Variants in PDE7B observed in about 807,000 individuals in gnomAD.
PDE7B encodes 3',5'-cyclic-AMP phosphodiesterase 7B.
Under a neutral mutation model 56.2 loss-of-function variants are expected in PDE7B, and 29 were observed. That is an observed-to-expected ratio of 0.52 (90% CI 0.38 to 0.70). PDE7B has a LOEUF of 0.70. Among genes scored for constraint, PDE7B ranks in the 30% least tolerant of loss-of-function variants. The pLI is 0.00. For synonymous variants in PDE7B, 197 were observed against 196.9 expected (o/e 1.00, Z 0.00); for missense variants, 490 against 565.0 (o/e 0.87, Z 1.35).
rs183924581 is a variant in PDE7B at position 135,903,039 on chromosome 6, A to G, written c.22-44425A>G. Among the ~76,000 whole-genome samples the G allele has an allele frequency of 1.2e-3, 179 of 152,312 alleles. 1 individual carries two copies. Among genetic ancestry groups the G allele is most frequent in the Non-Finnish European group, 9.0e-4 (61 of 68,030 alleles). Reference sequence around the variant, plus strand: ...TATCTGTATTCCTAACCACAATGCTATCTAGATAATAATTTATTCTTCTAA... The same window carrying G: ...TATCTGTATTCCTAACCACAATGCTGTCTAGATAATAATTTATTCTTCTAA... On this transcript the variant is annotated intron_variant, in intron 1 of 12. Transcript: ENST00000308191.
At chr6:135,904,501 C>A (rs947699765) in intron 1 of PDE7B, among the ~76,000 whole-genome samples, 9 of 152,202 alleles carry the variant, frequency 5.9e-5, no homozygotes, top group Non-Finnish European at 1.3e-4. Context: ...CAGATTACCC[C>A]AGTCCATCCT....
At chr6:136,174,693 C>G (rs1287572784) in intron 9 of PDE7B, among the ~76,000 whole-genome samples, 1 of 152,140 alleles carries the variant, frequency 6.6e-6, no homozygotes, top group East Asian at 1.9e-4. Context: ...TGTCTCCCAA[C>G]TGAACAAGCA....
At chr6:135,897,268 G>A (rs1300249464) in intron 1 of PDE7B, among the ~76,000 whole-genome samples, 3 of 150,632 alleles carry the variant, frequency 2.0e-5, no homozygotes, top group Non-Finnish European at 4.4e-5. Context: ...GTCAGGGTGT[G>A]TGTGTGTGTG....
In PDE7B at chr6:136,143,692, C is replaced by G. The variant is rs560125894; in HGVS notation, c.167-3659C>G. Among the ~76,000 whole-genome samples the G allele has an allele frequency of 2.4e-3, 358 of 152,150 alleles. 2 individuals are homozygous for G. The highest frequency in any genetic ancestry group is 8.1e-3 in the African/African-American group (336 of 41,544). On this transcript the variant is annotated intron_variant, in intron 3 of 12. Coordinates refer to ENST00000308191, the MANE Select transcript of PDE7B (RefSeq NM_018945.4). The stretch of plus-strand genomic sequence containing the variant: ...ATAAAAACAGATCTAAACTTAATAT[C>G]TCCAGCTCATGGCATCATTAGTTTA...
At chr6:136,181,206 C>T in intron 10 of PDE7B, 21 bp from the exon 11 acceptor site, 1 of 1,579,266 alleles carries the variant, frequency 6.3e-7, no homozygotes, top group Non-Finnish European at 8.7e-7. Context: ...CACAATTTCT[C>T]CCCGCCCTGT....
At chr6:136,092,199 A>G (rs9483907) in intron 2 of PDE7B, among the ~76,000 whole-genome samples, 7,589 of 152,258 alleles carry the variant, frequency 0.05, 597 homozygotes, top group African/African-American at 0.17. Flanking sequence ...ACCATCTCCA[A>G]AATAATTTTT....
At chr6:136,099,847 C>T (rs1777532216) in intron 2 of PDE7B, among the ~76,000 whole-genome samples, 1 of 152,062 alleles carries the variant, frequency 6.6e-6, no homozygotes, top group African/African-American at 2.4e-5. Flanking sequence ...AAGTCTTTGC[C>T]CATGCATGTG....
intron 2 of PDE7B, among the ~76,000 whole-genome samples, chr6:136,048,561 A>C (rs1776562274): frequency 6.6e-6 from 1 of 152,138 alleles, no homozygotes; most frequent in Admixed American, 6.5e-5. Context: ...GGGGAGGGCT[A>C]GGATAAGACT....
rs368045066 is a variant in PDE7B, at chr6:135,956,516, T to C, written c.82+8992T>C. Among the ~76,000 whole-genome samples, 14 of 152,224 alleles carry C rather than the reference T, an allele frequency of 9.2e-5. 1 individual carries two copies. Among genetic ancestry groups the C allele is most frequent in the Admixed American group, 5.2e-4 (8 of 15,294 alleles). On this transcript the variant is annotated intron_variant, in intron 2 of 12. Transcript: ENST00000308191. ...TGAGAGGGCTGAGTGCAGTGGCTCA[T>C]GCCTGTAATCTCAGCACTTTGGGAG...
chr6:135,915,572 G>A (rs1014780763), intron 1 of PDE7B, among the ~76,000 whole-genome samples: 21 of 151,952 alleles, frequency 1.4e-4, no homozygotes, highest in Non-Finnish European at 2.8e-4. Flanking sequence ...GGTATAATTC[G>A]TATACTGTAC....
At position 136,191,626 on chromosome 6, in the gene PDE7B, A is replaced by G. The variant is rs764659643; in HGVS notation, c.1139A>G (p.Tyr380Cys). Residue 380 changes from tyrosine to cysteine, a missense_variant, in exon 13 of 13, where the codon TAC (tyrosine) becomes TGC (cysteine). Tyr to Cys is a radical substitution (Grantham distance 194). Transcript: ENST00000308191. ...IPSIQIGFMS[Y>C]IVEPLFREWA... Reference sequence around the variant, plus strand: ...TTGCCTGTTCTAGGTTTCATGAGCTACATCGTGGAGCCGCTCTTCCGGGAA... The same window carrying G: ...TTGCCTGTTCTAGGTTTCATGAGCTGCATCGTGGAGCCGCTCTTCCGGGAA... The G allele has an allele frequency of 1.2e-6, 2 of 1,613,778 alleles. No homozygotes were observed. The highest frequency in any genetic ancestry group is 8.5e-7 in the Non-Finnish European group (1 of 1,179,802).
chr6:135,963,192 ATCC>A (rs1774938231), intron 2 of PDE7B, among the ~76,000 whole-genome samples: 1 of 152,182 alleles, frequency 6.6e-6, no homozygotes, highest in South Asian at 2.1e-4. Flanking sequence ...CCTCAGAGAC[ATCC>A]TCAAGATGTT....
At chr6:136,142,096 C>T (rs1778336722) in intron 3 of PDE7B, among the ~76,000 whole-genome samples, 1 of 152,264 alleles carries the variant, frequency 6.6e-6, no homozygotes, top group East Asian at 1.9e-4. Flanking sequence ...GCATTTAGTG[C>T]TATAAATTTC....
At chr6:135,947,560 G>A in intron 2 of PDE7B, 36 bp downstream of exon 2, 1 of 1,448,856 alleles carries the variant, frequency 6.9e-7, no homozygotes, top group Non-Finnish European at 9.7e-7. Context: ...TATTAAGCAT[G>A]TTGATGTCAT....
intron 2 of PDE7B, among the ~76,000 whole-genome samples, chr6:135,951,630 CTTA>C (rs1347865599): frequency 6.6e-6 from 1 of 151,964 alleles, no homozygotes; most frequent in Admixed American, 6.6e-5. Context: ...TCCTATTTTT[CTTA>C]TTATTAGAAT....
chr6:136,109,820 G>A (rs1029156862), intron 3 of PDE7B, among the ~76,000 whole-genome samples: 9 of 152,174 alleles, frequency 5.9e-5, no homozygotes, highest in Admixed American at 3.9e-4. Flanking sequence ...GGGGGAGGTG[G>A]AAGAGCAAGT....
chr6:135,860,605 C>T (rs778955216), intron 1 of PDE7B, among the ~76,000 whole-genome samples: 2 of 151,884 alleles, frequency 1.3e-5, no homozygotes, highest in Non-Finnish European at 2.9e-5. Context: ...CTCTAGGCCT[C>T]GCTCTGCTTA....
intron 2 of PDE7B, among the ~76,000 whole-genome samples, chr6:136,099,574 CTTTT>C (rs1777527262): frequency 6.6e-6 from 1 of 152,128 alleles, no homozygotes. Context: ...TAAATGTCTT[CTTTT>C]GAGAAGTGTC....
chr6:136,075,363 G>A (rs1583867383), intron 2 of PDE7B, among the ~76,000 whole-genome samples: 1 of 152,292 alleles, frequency 6.6e-6, no homozygotes, highest in African/African-American at 2.4e-5. Flanking sequence ...CTCACAAAAA[G>A]GAAAACATGC....
Sources: allele counts gnomAD v4.1 joint callset (sites outside exome capture counted in the v4.1 genomes callset), GRCh38; gene constraint gnomAD v4.1.1; transcripts MANE v1.5; gene names NCBI Gene and HGNC (gene_info 2026-07-23, HGNC 2026-07-21).